The following CCDC150 variants were observed in gnomAD, a reference collection of about 807,000 sequenced individuals.
CCDC150 encodes coiled-coil domain-containing protein 150.
In CCDC150, 151 loss-of-function variants were observed where a neutral mutation model predicts 156.5. The ratio of observed to expected loss-of-function variants is 0.97; its 90% CI spans 0.85 to 1.10. The LOEUF is 1.10. CCDC150 is among the 50% of genes least tolerant of loss of function. The pLI, the probability that CCDC150 is intolerant of heterozygous loss-of-function variation, is 0.00. For missense variants in CCDC150, 1,312 were observed against 1,268.1 expected, an observed-to-expected ratio of 1.03 and a Z score of -0.53; for synonymous variants, 452 against 429.4, an observed-to-expected ratio of 1.05 and a Z score of -0.65.
chr2:196,724,372 ATTAAAG>A (rs1698091948), intron 21 of CCDC150, among the ~76,000 whole-genome samples: 1 of 152,204 alleles, frequency 6.6e-6, no homozygotes, highest in Non-Finnish European at 1.5e-5. Flanking sequence ...AAAATTAAAA[ATTAAAG>A]TTAATACAAA....
rs764762442 is a variant in CCDC150 at position 196,656,684 on chromosome 2, C to T, written c.228C>T (p.Val76=). The T allele has an allele frequency of 1.2e-6, 2 of 1,613,440 alleles. No individual in the cohort carries two copies. Among genetic ancestry groups the T allele is most frequent in the Non-Finnish European group, 1.7e-6 (2 of 1,179,682 alleles). ...TAGAAGACCTGGACAGCCAGAAAGT[C>T]ATTAGTCCTATCCAAAATGAAGCAA... ...DCLEDLDSQK[V]ISPIQNEAIC... is the part of the protein sequence containing the mutation. Residue 76 remains valine, a synonymous_variant, in exon 3 of 28, where the codon GTC becomes GTT. Transcript: ENST00000389175.
intron 13 of CCDC150, among the ~76,000 whole-genome samples, chr2:196,680,767 C>T (rs1233614249): frequency 6.6e-6 from 1 of 152,170 alleles, no homozygotes; most frequent in African/African-American, 2.4e-5. Context: ...CATGTGATTA[C>T]TCCATGTTTA....
chr2:196,724,938 T>G (rs1698127402), intron 21 of CCDC150, among the ~76,000 whole-genome samples: 1 of 152,144 alleles, frequency 6.6e-6, no homozygotes, highest in Non-Finnish European at 1.5e-5. Flanking sequence ...TGTCAGCAAC[T>G]TTTTAGATGT....
At chr2:196,731,033 T>A in intron 26 of CCDC150, 88 bp downstream of exon 26, 1 of 933,260 alleles carries the variant, frequency 1.1e-6, no homozygotes, top group Non-Finnish European at 1.6e-6. Flanking sequence ...AAATCCTTCA[T>A]TAACGTAGTT....
chr2:196,667,581 T>G (rs1693921241), intron 7 of CCDC150: 1 of 152,244 alleles, frequency 6.6e-6, no homozygotes. Context: ...TCACATAAAC[T>G]ATTTCATTCA....
At chr2:196,732,174 C>T (rs1479737183) in intron 27 of CCDC150, 22 bp downstream of exon 27, 1 of 1,613,172 alleles carries the variant, frequency 6.2e-7, no homozygotes, top group East Asian at 2.2e-5. Context: ...ACATGGATGT[C>T]TTAAGCAATT....
intron 19 of CCDC150, 189 bp downstream of exon 19, chr2:196,719,855 A>G (rs1697775259): frequency 2.3e-6 from 1 of 435,542 alleles, no homozygotes; most frequent in Non-Finnish European, 4.0e-6. Context: ...CCAAAAATTC[A>G]AAATGCCCCT....
chr2:196,713,804 T>A, intron 17 of CCDC150: 1 of 1,108,632 alleles, frequency 9.0e-7, no homozygotes, highest in African/African-American at 1.6e-5. Context: ...TCTTCACAAA[T>A]AGAAAAAAGA....
chr2:196,653,402 T>C (rs1229070105), intron 2 of CCDC150, among the ~76,000 whole-genome samples: 1 of 152,228 alleles, frequency 6.6e-6, no homozygotes, highest in East Asian at 1.9e-4. Context: ...TTCTGCTGGA[T>C]ACCCTAGGAC....
At chr2:196,703,399 A>G (rs1226051954) in intron 15 of CCDC150, among the ~76,000 whole-genome samples, 1 of 152,232 alleles carries the variant, frequency 6.6e-6, no homozygotes, top group Non-Finnish European at 1.5e-5. Context: ...AATATTTTGC[A>G]GAGGTAGTGA....
chr2:196,654,102 G>A lies in CCDC150; in HGVS notation c.177-2531G>A, dbSNP rs1020257642. Among the ~76,000 whole-genome samples, 3 of 152,144 alleles carry A rather than the reference G, an allele frequency of 2.0e-5. No homozygotes were observed. In the East Asian group the frequency reaches 5.8e-4, roughly 29 times the overall value. Reference sequence around the variant, plus strand: ...TTGCCAAGACATTCATGAGTGAGCTGCCCCATGACCCAAACAGCTCCCACC... The same window carrying A: ...TTGCCAAGACATTCATGAGTGAGCTACCCCATGACCCAAACAGCTCCCACC... On this transcript the variant is annotated intron_variant, in intron 2 of 27. Coordinates refer to ENST00000389175, the MANE Select transcript of CCDC150 (RefSeq NM_001080539.2).
Position 196,676,713 on chromosome 2 carries a change from A to G in CCDC150, c.1422A>G (p.Lys474=), listed in dbSNP as rs1055651865. Residue 474 remains lysine, a synonymous_variant, in exon 12 of 28, where the codon AAA becomes AAG. Coordinates refer to ENST00000389175, the MANE Select transcript of CCDC150 (RefSeq NM_001080539.2). ...MQEKKSLLEE[K]ERFQREVNKT... is the part of the protein sequence containing the mutation. ...AGAAGAAGTCTCTGCTAGAGGAGAA[A>G]GAAAGATTTCAGAGGGAGGTAGGTA... 1 of 1,613,120 alleles carries G rather than the reference A, an allele frequency of 6.2e-7. No individual in the cohort carries two copies. Among genetic ancestry groups the G allele is most frequent in the South Asian group, 1.1e-5 (1 of 90,924 alleles).
chr2:196,648,843 C>T (rs1444767012), intron 2 of CCDC150, among the ~76,000 whole-genome samples: 1 of 152,094 alleles, frequency 6.6e-6, no homozygotes, highest in Non-Finnish European at 1.5e-5. Context: ...GGCCCAATTT[C>T]ATTCTTCTGT....
At chr2:196,719,755 G>T in intron 19 of CCDC150, 89 bp downstream of exon 19, 1 of 896,544 alleles carries the variant, frequency 1.1e-6, no homozygotes, top group South Asian at 3.7e-5. Context: ...ACTTTATGTA[G>T]CTTCCTTTAC....
chr2:196,667,944 T>C (rs1693946588), intron 7 of CCDC150: 1 of 152,208 alleles, frequency 6.6e-6, no homozygotes. Flanking sequence ...GCTGCCACAT[T>C]GTCTCATTTG....
intron 1 of CCDC150, among the ~76,000 whole-genome samples, chr2:196,642,396 C>T (rs1251678806): frequency 2.0e-5 from 3 of 152,178 alleles, no homozygotes; most frequent in Admixed American, 6.5e-5. Flanking sequence ...GGCATTTCTG[C>T]TACCACTGCT....
At chr2:196,644,429 C>G (rs1692413175) in intron 1 of CCDC150, among the ~76,000 whole-genome samples, 1 of 152,162 alleles carries the variant, frequency 6.6e-6, no homozygotes, top group African/African-American at 2.4e-5. Context: ...GTGGCTCCAC[C>G]AACTGCAGCC....
chr2:196,729,105 C>A (rs771238280), intron 22 of CCDC150, 88 bp from the exon 23 acceptor site: 141 of 1,177,902 alleles, frequency 1.2e-4, no homozygotes, highest in Non-Finnish European at 1.5e-4. Context: ...AAAGAAGATC[C>A]AAAGATGATA....
Position 196,712,674 on chromosome 2 carries a change from A to G in CCDC150, c.1804-3A>G. On this transcript the variant is annotated splice_region_variant and splice_polypyrimidine_tract_variant and intron_variant, in intron 16 of 27. Transcript: ENST00000389175. The stretch of plus-strand genomic sequence containing the variant: ...ACAAGTATCTTTGTTTTTTGAATTA[A>G]AGGCAAACTCAGAACTCAGTGCCAA... The G allele has an allele frequency of 6.2e-7, 1 of 1,607,380 alleles. No homozygotes were observed.
Sources: gnomAD v4.1 joint callset for allele counts (sites outside exome capture counted in the v4.1 genomes callset) on GRCh38, gnomAD v4.1.1 for gene constraint, MANE v1.5 for transcripts, NCBI Gene and HGNC (gene_info 2026-07-23, HGNC 2026-07-21) for gene names.